Variants in GNAQ observed in about 807,000 individuals in gnomAD.
The protein encoded by GNAQ is G protein subunit alpha q, also known as guanine nucleotide-binding protein G(q) subunit alpha.
A neutral mutation model predicts 43.9 loss-of-function variants in GNAQ; 8 were observed. The ratio of observed to expected loss-of-function variants is 0.18; its 90% confidence interval spans 0.11 to 0.33. GNAQ has a LOEUF of 0.33. GNAQ is among the 10% of genes least tolerant of loss of function. The probability of loss-of-function intolerance (pLI) is 1.00; values close to 1 mark genes in which losing one functional copy is unlikely to be tolerated. For synonymous variants in GNAQ, 155 were observed against 170.7 expected (o/e 0.91, Z 0.71); for missense variants, 158 against 450.8 (o/e 0.35, Z 5.88).
intron 1 of GNAQ, among the ~76,000 whole-genome samples, chr9:77,970,520 C>T (rs1388084941): frequency 2.6e-5 from 4 of 152,270 alleles, no homozygotes; most frequent in African/African-American, 9.6e-5. Flanking sequence ...CCTATTCATC[C>T]TTAAAACATT....
intron 1 of GNAQ, among the ~76,000 whole-genome samples, chr9:77,978,057 T>C (rs1319444273): frequency 6.6e-6 from 1 of 152,216 alleles, no homozygotes; most frequent in Non-Finnish European, 1.5e-5. Context: ...TGAAAAGTAA[T>C]ACATGTGCAG....
chr9:77,866,884 T>C (rs1827959402), intron 2 of GNAQ, among the ~76,000 whole-genome samples: 1 of 152,236 alleles, frequency 6.6e-6, no homozygotes, highest in Non-Finnish European at 1.5e-5. Context: ...TTTCTATAGT[T>C]AGTTAATGTA....
intron 5 of GNAQ, among the ~76,000 whole-genome samples, chr9:77,777,582 C>T (rs1340199725): frequency 6.6e-6 from 1 of 151,982 alleles, no homozygotes; most frequent in African/African-American, 2.4e-5. Context: ...ATTTGCAAAT[C>T]ATATTTCTGA....
intron 2 of GNAQ, among the ~76,000 whole-genome samples, chr9:77,821,169 A>G (rs1207862305): frequency 6.6e-6 from 1 of 152,132 alleles, no homozygotes; most frequent in African/African-American, 2.4e-5. Flanking sequence ...TTGTTCTTCT[A>G]TCATTAGATT....
chr9:77,984,176 C>CTTT (rs563210374), intron 1 of GNAQ, among the ~76,000 whole-genome samples: 142 of 136,940 alleles, frequency 1.0e-3, no homozygotes, highest in East Asian at 7.2e-3. Flanking sequence ...TTTTGCTTTT[C>CTTT]TTTTTTTTTT....
At chr9:77,965,001 T>C (rs1440459718) in intron 1 of GNAQ, among the ~76,000 whole-genome samples, 3 of 152,190 alleles carry the variant, frequency 2.0e-5, no homozygotes, top group Non-Finnish European at 4.4e-5. Context: ...TTAGACCTAA[T>C]GTGACTAGAA....
intron 1 of GNAQ, among the ~76,000 whole-genome samples, chr9:77,982,613 T>C (rs904018736): frequency 6.6e-6 from 1 of 151,994 alleles, no homozygotes; most frequent in African/African-American, 2.4e-5. Context: ...TTCAGAAGTA[T>C]TTACAGCACC....
chr9:77,743,991 G>A (rs1200684973), intron 5 of GNAQ, among the ~76,000 whole-genome samples: 2 of 152,118 alleles, frequency 1.3e-5, no homozygotes, highest in South Asian at 2.1e-4. Flanking sequence ...ATAGCAATTC[G>A]GATCAGAGTG....
intron 5 of GNAQ, among the ~76,000 whole-genome samples, chr9:77,781,192 GT>G (rs909667101): frequency 2.0e-5 from 3 of 152,058 alleles, no homozygotes; most frequent in Admixed American, 2.0e-4. Flanking sequence ...ATGTCCTGAT[GT>G]TTCCCCTATG....
chr9:78,016,940 T>G (rs549468627), intron 1 of GNAQ, among the ~76,000 whole-genome samples: 11 of 152,294 alleles, frequency 7.2e-5, no homozygotes, highest in African/African-American at 2.6e-4. Flanking sequence ...AAAACTGTTA[T>G]GTGTTGTGTT....
intron 1 of GNAQ, among the ~76,000 whole-genome samples, chr9:77,954,283 T>C (rs1056807147): frequency 2.0e-5 from 3 of 152,242 alleles, no homozygotes; most frequent in Non-Finnish European, 4.4e-5. Context: ...CTCAACCATG[T>C]GCCAAATGGT....
intron 3 of GNAQ, among the ~76,000 whole-genome samples, chr9:77,798,604 A>C (rs1471837189): frequency 2.6e-5 from 4 of 152,192 alleles, no homozygotes; most frequent in African/African-American, 9.6e-5. Flanking sequence ...GCACATACCA[A>C]AATCCCTGGA....
chr9:77,994,342 G>A (rs1357457641), intron 1 of GNAQ, among the ~76,000 whole-genome samples: 4 of 152,126 alleles, frequency 2.6e-5, no homozygotes, highest in African/African-American at 9.7e-5. Context: ...ATCTAGCCAC[G>A]TGTATTTTAA....
At chr9:77,899,974 T>G (rs1002972842) in intron 2 of GNAQ, among the ~76,000 whole-genome samples, 1 of 152,128 alleles carries the variant, frequency 6.6e-6, no homozygotes, top group African/African-American at 2.4e-5. Flanking sequence ...CCTTTAAATT[T>G]TGTTACCTGC....
intron 3 of GNAQ, among the ~76,000 whole-genome samples, chr9:77,809,391 A>C (rs1366374956): frequency 6.6e-6 from 1 of 152,180 alleles, no homozygotes; most frequent in African/African-American, 2.4e-5. Context: ...TCTTCTGGCT[A>C]ATGTCAGGGA....
chr9:77,772,966 T>G (rs1826249868), intron 5 of GNAQ, among the ~76,000 whole-genome samples: 2 of 152,182 alleles, frequency 1.3e-5, no homozygotes, highest in African/African-American at 2.4e-5. Context: ...TTTAAGAAAG[T>G]TTACAAATTT....
At chr9:77,861,164 G>C (rs1827843736) in intron 2 of GNAQ, among the ~76,000 whole-genome samples, 2 of 152,172 alleles carry the variant, frequency 1.3e-5, no homozygotes, top group South Asian at 2.1e-4. Context: ...GGCAAAGAGA[G>C]AGAGCTTGAG....
chr9:77,960,295 G>A (rs1485923471), intron 1 of GNAQ, among the ~76,000 whole-genome samples: 1 of 152,202 alleles, frequency 6.6e-6, no homozygotes, highest in Non-Finnish European at 1.5e-5. Flanking sequence ...ACACCAGAAT[G>A]GGTCAGGAGG....
intron 5 of GNAQ, among the ~76,000 whole-genome samples, chr9:77,763,121 A>C (rs1329984906): frequency 8.2e-6 from 1 of 122,674 alleles, no homozygotes; most frequent in African/African-American, 3.1e-5. Flanking sequence ...AAAAAACAAA[A>C]AAATAAACAA....
Sources: allele counts gnomAD v4.1 joint callset (sites outside exome capture counted in the v4.1 genomes callset), GRCh38; gene constraint gnomAD v4.1.1; transcripts MANE v1.5; gene names NCBI Gene and HGNC (gene_info 2026-07-23, HGNC 2026-07-21).